GHR: variants seen among roughly 807,000 people sequenced by gnomAD.
GHR encodes growth hormone receptor, also known as GH receptor.
A neutral mutation model predicts 67.1 loss-of-function variants in GHR; 35 were observed. The observed-to-expected ratio is 0.52, with a 90% CI of 0.40 to 0.69. GHR has a LOEUF of 0.69. Among genes scored for constraint, GHR ranks in the 30% least tolerant of loss-of-function variants. GHR has a pLI of 0.00. For synonymous variants in GHR, 272 were observed against 269.1 expected (o/e 1.01, Z -0.10); for missense variants, 792 against 764.6 (o/e 1.04, Z -0.42).
chr5:42,623,049 C>A (rs1216335375), intron 2 of GHR, among the ~76,000 whole-genome samples: 1 of 152,118 alleles, frequency 6.6e-6, no homozygotes, highest in Non-Finnish European at 1.5e-5. Flanking sequence ...CATGTCCCTG[C>A]TGTCAAGGTA....
intron 2 of GHR, among the ~76,000 whole-genome samples, chr5:42,591,786 C>T (rs1443772360): frequency 3.9e-5 from 6 of 152,138 alleles, no homozygotes; most frequent in Admixed American, 3.9e-4. Context: ...ACCTCAACAT[C>T]TGTTTGTGTC....
chr5:42,455,344 A>G (rs1366733542), intron 1 of GHR, among the ~76,000 whole-genome samples: 1 of 152,148 alleles, frequency 6.6e-6, no homozygotes, highest in East Asian at 1.9e-4. Flanking sequence ...AAAGGTTCAC[A>G]GTCTGAGTCT....
At chr5:42,708,907 A>T (rs115122035) in intron 6 of GHR, among the ~76,000 whole-genome samples, 6,455 of 152,202 alleles carry the variant, frequency 0.042, 190 homozygotes, top group African/African-American at 0.084. Context: ...TATACCTTTT[A>T]TTCATGATAT....
intron 4 of GHR, among the ~76,000 whole-genome samples, chr5:42,691,914 G>A (rs968898113): frequency 3.3e-5 from 5 of 152,224 alleles, no homozygotes; most frequent in African/African-American, 1.2e-4. Context: ...GTAAAAAGAG[G>A]CTCTGGGAAG....
chr5:42,635,294 T>G (rs191922257), intron 3 of GHR, among the ~76,000 whole-genome samples: 8 of 152,180 alleles, frequency 5.3e-5, no homozygotes, highest in Admixed American at 1.3e-4. Flanking sequence ...CCCTTCCTTG[T>G]TCTCTGAAAT....
At chr5:42,429,237 C>A (rs1226414949) in intron 1 of GHR, among the ~76,000 whole-genome samples, 2 of 152,152 alleles carry the variant, frequency 1.3e-5, no homozygotes, top group African/African-American at 2.4e-5. Context: ...GGGGAACTAC[C>A]CTTTATAAAA....
chr5:42,696,326 C>T (rs900579827), intron 5 of GHR, among the ~76,000 whole-genome samples: 4 of 152,064 alleles, frequency 2.6e-5, no homozygotes, highest in Non-Finnish European at 5.9e-5. Context: ...CCTGGAAATA[C>T]GTGGAATGCA....
rs1197933413 is a variant in GHR at position 42,600,991 on chromosome 5, A to G, written c.71-28047A>G. ...GCCCAGGCTGGAGTGCGATGGTGCA[A>G]TCTTGTCTCACTGCAACCTCCGCCT... On this transcript the variant is annotated intron_variant, in intron 2 of 9. Transcript: ENST00000230882. 3.8e-5 allele frequency among the ~76,000 whole-genome samples: 5 copies of G among 131,146 alleles called. No homozygotes were observed. In the East Asian group the frequency reaches 1.1e-3, roughly 30 times the overall value. 86.0% of individuals were successfully genotyped at this position (131,146 alleles called of 152,430 possible). A position where few individuals can be genotyped will look rare whatever the true frequency, so the allele number is the denominator to read the frequency against.
chr5:42,488,685 T>G (rs1382261546), intron 1 of GHR, among the ~76,000 whole-genome samples: 9 of 152,198 alleles, frequency 5.9e-5, no homozygotes, highest in Admixed American at 6.5e-5. Flanking sequence ...TTATCTTTCT[T>G]TATAATGTAA....
chr5:42,556,195 T>C (rs1230188914), intron 1 of GHR, among the ~76,000 whole-genome samples: 1 of 152,206 alleles, frequency 6.6e-6, no homozygotes, highest in Non-Finnish European at 1.5e-5. Flanking sequence ...TTTGAAAACC[T>C]ACGCTTCTGT....
chr5:42,514,338 C>CTCCA (rs5867590), intron 1 of GHR: 447,723 of 976,588 alleles, frequency 0.46, 105,082 homozygotes, highest in Middle Eastern at 0.53. Context: ...TTGTTGAGAT[C>CTCCA]TCCAGCCTTG....
intron 3 of GHR, among the ~76,000 whole-genome samples, chr5:42,661,691 A>G (rs1015362720): frequency 6.6e-6 from 1 of 152,376 alleles, no homozygotes; most frequent in African/African-American, 2.4e-5. Flanking sequence ...AAGAAACTGC[A>G]TCAACTAACG....
In GHR at chr5:42,719,399, AC is replaced by A; in HGVS notation, c.1894del (p.Gln632AsnfsTer2). On this transcript the variant is annotated frameshift_variant, in exon 10 of 10. Transcript: ENST00000230882. LOFTEE classifies it high-confidence loss of function. ...TCATCATGTGGCTATGTGAGCACAGACCAACTGAACAAAATCATGCCTTAGC... is the reference window on the plus strand; with the variant it reads ...TCATCATGTGGCTATGTGAGCACAGACAACTGAACAAAATCATGCCTTAGC... ...FLSSCGYVSTDQLNKIMP is the reference protein window; with the variant it reads ...FLSSCGYVSTXQLNKIMP 1 of 1,613,692 alleles carries A rather than the reference AC, an allele frequency of 6.2e-7. No homozygotes were observed. The highest frequency in any genetic ancestry group is 1.1e-5 in the South Asian group (1 of 91,084).
chr5:42,583,657 A>G (rs1371671255), intron 2 of GHR, among the ~76,000 whole-genome samples: 1 of 152,146 alleles, frequency 6.6e-6, no homozygotes, highest in Non-Finnish European at 1.5e-5. Context: ...AGAACTTTGT[A>G]AAGACCCTGG....
At chr5:42,471,529 C>T (rs1021672366) in intron 1 of GHR, among the ~76,000 whole-genome samples, 1 of 152,194 alleles carries the variant, frequency 6.6e-6, no homozygotes, top group African/African-American at 2.4e-5. Flanking sequence ...GTAGCATAGC[C>T]TAGTGGTTAA....
In GHR at chr5:42,616,445, A is replaced by C. The variant is rs577520573; in HGVS notation, c.71-12593A>C. 1.7e-3 allele frequency among the ~76,000 whole-genome samples: 262 copies of C among 152,216 alleles called. 1 individual carries two copies. The highest frequency in any genetic ancestry group is 6.1e-3 in the African/African-American group (253 of 41,568). On this transcript the variant is annotated intron_variant, in intron 2 of 9. Coordinates refer to ENST00000230882, the MANE Select transcript of GHR (RefSeq NM_000163.5). ...GGCTTAAGTACCTGAGTGGATGGTG[A>C]AACAATTTTCAGACATAGAGAAGAA...
At chr5:42,581,394 T>C (rs1751161781) in intron 2 of GHR, among the ~76,000 whole-genome samples, 1 of 152,196 alleles carries the variant, frequency 6.6e-6, no homozygotes, top group Non-Finnish European at 1.5e-5. Context: ...TAAGTTGCAG[T>C]CCACACTGTA....
chr5:42,632,769 G>C (rs1753993039), intron 3 of GHR, among the ~76,000 whole-genome samples: 1 of 152,296 alleles, frequency 6.6e-6, no homozygotes, highest in Admixed American at 6.5e-5. Flanking sequence ...CAAAAACACA[G>C]ACTTAGGATA....
chr5:42,449,442 A>C (rs1032527861), intron 1 of GHR, among the ~76,000 whole-genome samples: 16 of 152,098 alleles, frequency 1.1e-4, no homozygotes, highest in African/African-American at 3.9e-4. Context: ...CAGCTTGGTC[A>C]TTGTTGGTGT....
Sources: gnomAD v4.1 joint callset for allele counts (sites outside exome capture counted in the v4.1 genomes callset) on GRCh38, gnomAD v4.1.1 for gene constraint, MANE v1.5 for transcripts, NCBI Gene and HGNC (gene_info 2026-07-23, HGNC 2026-07-21) for gene names.